The following CSMD1 variants were observed in gnomAD, a reference collection of about 807,000 sequenced individuals.
The protein encoded by CSMD1 is CUB and Sushi multiple domains 1, also known as CUB and sushi domain-containing protein 1.
In CSMD1, 213 loss-of-function variants were observed where a neutral mutation model predicts 417.5. The ratio of observed to expected loss-of-function variants is 0.51; its 90% confidence interval spans 0.46 to 0.57. The LOEUF (loss-of-function observed/expected upper bound fraction) is 0.57, where lower values mean the gene tolerates loss of function less well. Ranked by LOEUF, CSMD1 falls within the 20% of genes least tolerant of loss-of-function variation. The probability of loss-of-function intolerance (pLI) is 0.00; values close to 1 mark genes in which losing one functional copy is unlikely to be tolerated. For missense variants in CSMD1, 6,923 were observed against 4,529.7 expected (o/e 1.53, Z -15.17); for synonymous variants, 2,862 against 1,736.8 (o/e 1.65, Z -16.11).
chr8:4,922,446 A>T (rs1806561241), intron 1 of CSMD1, among the ~76,000 whole-genome samples: 1 of 152,222 alleles, frequency 6.6e-6, no homozygotes, highest in South Asian at 2.1e-4. Flanking sequence ...TTTAGCAATA[A>T]GAACTTCTAA....
intron 11 of CSMD1, among the ~76,000 whole-genome samples, chr8:3,488,721 A>G (rs1818199452): frequency 6.6e-6 from 1 of 152,164 alleles, no homozygotes; most frequent in Non-Finnish European, 1.5e-5. Context: ...AGGCCGGGAA[A>G]GAAAAGCTAA....
At chr8:4,082,457 C>T (rs563591418) in intron 3 of CSMD1, among the ~76,000 whole-genome samples, 2 of 152,056 alleles carry the variant, frequency 1.3e-5, no homozygotes, top group South Asian at 2.1e-4. Flanking sequence ...GCAAAGATTG[C>T]CTAAGTAGTT....
intron 5 of CSMD1, among the ~76,000 whole-genome samples, chr8:3,979,070 T>G (rs893064883): frequency 7.2e-5 from 11 of 152,336 alleles, no homozygotes; most frequent in Admixed American, 5.2e-4. Context: ...CCTTCAGATG[T>G]GCACAGCGAC....
At chr8:4,057,192 CTGT>C (rs1798740598) in intron 3 of CSMD1, among the ~76,000 whole-genome samples, 1 of 152,134 alleles carries the variant, frequency 6.6e-6, no homozygotes, top group Non-Finnish European at 1.5e-5. Flanking sequence ...TCTCCAGCAC[CTGT>C]TGTTTCCTGA....
chr8:4,274,334 T>C (rs2128854205), intron 3 of CSMD1, among the ~76,000 whole-genome samples: 1 of 152,260 alleles, frequency 6.6e-6, no homozygotes, highest in East Asian at 1.9e-4. Context: ...GAAAAACACA[T>C]GACTTTTTTT....
intron 1 of CSMD1, among the ~76,000 whole-genome samples, chr8:4,887,381 G>A (rs994541459): frequency 1.3e-4 from 20 of 152,052 alleles, no homozygotes; most frequent in Admixed American, 7.8e-4. Context: ...ATTTTATGAC[G>A]TAAATACAGT....
chr8:4,545,200 T>C (rs1402351984), intron 2 of CSMD1, among the ~76,000 whole-genome samples: 3 of 152,200 alleles, frequency 2.0e-5, no homozygotes, highest in Non-Finnish European at 4.4e-5. Flanking sequence ...ACCTGAACAA[T>C]GGAATTTGCA....
intron 10 of CSMD1, among the ~76,000 whole-genome samples, chr8:3,567,153 C>G (rs1386390404): frequency 6.6e-6 from 1 of 152,082 alleles, no homozygotes. Flanking sequence ...GTATCCTTAG[C>G]AAACTAGCGC....
chr8:2,951,074 C>A (rs2128919405), intron 66 of CSMD1, 40 bp downstream of exon 66: 1 of 1,587,732 alleles, frequency 6.3e-7, no homozygotes, highest in East Asian at 2.2e-5. Flanking sequence ...AGGTCTATTT[C>A]TGCTCACACC....
intron 1 of CSMD1, among the ~76,000 whole-genome samples, chr8:4,733,057 G>T (rs1331363866): frequency 1.3e-5 from 2 of 151,620 alleles, no homozygotes; most frequent in Non-Finnish European, 2.9e-5. Flanking sequence ...AAAATAACTA[G>T]AAAAAAGACC....
At chr8:4,103,861 G>C (rs1017445616) in intron 3 of CSMD1, among the ~76,000 whole-genome samples, 10 of 152,164 alleles carry the variant, frequency 6.6e-5, no homozygotes, top group Non-Finnish European at 2.9e-5. Flanking sequence ...GCATTGTCTG[G>C]TGCTATATCT....
chr8:3,061,475 T>C (rs1410429744), intron 49 of CSMD1, among the ~76,000 whole-genome samples: 3 of 152,354 alleles, frequency 2.0e-5, no homozygotes, highest in East Asian at 1.9e-4. Flanking sequence ...GCACCGTGGA[T>C]ATCCCCTTAT....
intron 3 of CSMD1, among the ~76,000 whole-genome samples, chr8:4,034,245 A>G (rs1797503278): frequency 1.3e-5 from 2 of 152,316 alleles, no homozygotes; most frequent in South Asian, 2.1e-4. Context: ...AAACAGAACT[A>G]TATAGAAATA....
rs561621478 is a variant in CSMD1 at position 4,918,184 on chromosome 8, T to C, written c.85+76148A>G. On this transcript the variant is annotated intron_variant, in intron 1 of 69. Transcript: ENST00000635120. ...CGTGTTGGTGTTGGTGACTCCTGAG[T>C]TGAAATCATTACGAAGGGGATGATG... Among the ~76,000 whole-genome samples the C allele has an allele frequency of 7.2e-5, 11 of 152,328 alleles. No individual in the cohort carries two copies. In the East Asian group the frequency reaches 2.1e-3, roughly 29 times the overall value.
At chr8:4,618,438 G>A (rs1801598245) in intron 2 of CSMD1, among the ~76,000 whole-genome samples, 1 of 152,062 alleles carries the variant, frequency 6.6e-6, no homozygotes, top group Non-Finnish European at 1.5e-5. Context: ...AGGACTCACG[G>A]AGTGCTGTTA....
At chr8:3,779,139 G>A (rs999761869) in intron 5 of CSMD1, among the ~76,000 whole-genome samples, 2 of 142,856 alleles carry the variant, frequency 1.4e-5, no homozygotes, top group African/African-American at 5.3e-5. Context: ...TTTTCACTAT[G>A]CGTGCATACT....
intron 3 of CSMD1, among the ~76,000 whole-genome samples, chr8:4,375,717 C>A (rs753313021): frequency 3.9e-5 from 6 of 152,126 alleles, no homozygotes; most frequent in Non-Finnish European, 5.9e-5. Flanking sequence ...TGACTGTTTT[C>A]TTCCTCCTCA....
intron 12 of CSMD1, among the ~76,000 whole-genome samples, chr8:3,447,887 G>C (rs1282093615): frequency 6.6e-6 from 1 of 152,086 alleles, no homozygotes; most frequent in Non-Finnish European, 1.5e-5. Context: ...GCCATGAACT[G>C]TAAGAGCAAT....
chr8:3,397,632 G>C (rs951622413), intron 16 of CSMD1, among the ~76,000 whole-genome samples: 1 of 152,156 alleles, frequency 6.6e-6, no homozygotes, highest in South Asian at 2.1e-4. Context: ...TGATTTCTCA[G>C]TTGTTTGAGT....
Sources: allele counts gnomAD v4.1 joint callset (sites outside exome capture counted in the v4.1 genomes callset), GRCh38; gene constraint gnomAD v4.1.1; transcripts MANE v1.5; gene names NCBI Gene and HGNC (gene_info 2026-07-23, HGNC 2026-07-21).